Variants in ZNF385B observed in about 807,000 individuals in gnomAD.
ZNF385B encodes the protein zinc finger protein 533.
A neutral mutation model predicts 39.2 loss-of-function variants in ZNF385B; 23 were observed. The ratio of observed to expected loss-of-function variants is 0.59; its 90% confidence interval spans 0.42 to 0.83. ZNF385B has a LOEUF of 0.83. ZNF385B is among the 40% of genes least tolerant of loss of function. The pLI, the probability that ZNF385B is intolerant of heterozygous loss-of-function variation, is 0.00. For missense variants in ZNF385B, 552 were observed against 598.9 expected, an observed-to-expected ratio of 0.92 and a Z score of 0.82; for synonymous variants, 205 against 222.6, an observed-to-expected ratio of 0.92 and a Z score of 0.70.
intron 3 of ZNF385B, among the ~76,000 whole-genome samples, chr2:179,570,208 C>T (rs963006936): frequency 2.0e-5 from 3 of 152,170 alleles, no homozygotes; most frequent in Admixed American, 6.5e-5. Flanking sequence ...CCAACACCAA[C>T]GTACCACTCC....
intron 3 of ZNF385B, among the ~76,000 whole-genome samples, chr2:179,663,819 C>T (rs761134326): frequency 3.3e-5 from 5 of 151,770 alleles, no homozygotes; most frequent in South Asian, 2.1e-4. Context: ...GGCATCCTTC[C>T]GGGGACTTTA....
chr2:179,668,577 T>C (rs1209732530), intron 3 of ZNF385B, among the ~76,000 whole-genome samples: 4 of 151,934 alleles, frequency 2.6e-5, no homozygotes, highest in Non-Finnish European at 5.9e-5. Context: ...AGTGTTTTGC[T>C]CTACAAGTTC....
chr2:179,738,727 G>A (rs1347343655), intron 3 of ZNF385B, among the ~76,000 whole-genome samples: 3 of 152,148 alleles, frequency 2.0e-5, no homozygotes, highest in Non-Finnish European at 4.4e-5. Flanking sequence ...TAGTGTGGGA[G>A]GTGGCTCAGG....
At chr2:179,791,578 T>C (rs1309370550) in intron 1 of ZNF385B, among the ~76,000 whole-genome samples, 6 of 152,208 alleles carry the variant, frequency 3.9e-5, no homozygotes, top group Non-Finnish European at 8.8e-5. Context: ...GGTGAGGCGC[T>C]TGTCTTAAGT....
chr2:179,677,293 T>C (rs1331922830), intron 3 of ZNF385B, among the ~76,000 whole-genome samples: 1 of 152,232 alleles, frequency 6.6e-6, no homozygotes, highest in East Asian at 1.9e-4. Context: ...TCCAAGTTTC[T>C]GTCTATACCG....
In ZNF385B at chr2:179,849,820, A is replaced by G. The variant is rs1443375989; in HGVS notation, c.-155+11281T>C. Reference sequence around the variant, plus strand: ...TAGTGAGAAAAATCAACACAAACATATCATTACAACCTAATATTGCAAGCA... The same window carrying G: ...TAGTGAGAAAAATCAACACAAACATGTCATTACAACCTAATATTGCAAGCA... On this transcript the variant is annotated intron_variant, in intron 1 of 9. Coordinates refer to ENST00000410066, the MANE Select transcript of ZNF385B (RefSeq NM_152520.6). Among the ~76,000 whole-genome samples, 3 of 152,316 alleles carry G rather than the reference A, an allele frequency of 2.0e-5. 1 individual carries two copies. Among genetic ancestry groups the G allele is most frequent in the East Asian group, 1.9e-4 (1 of 5,166 alleles).
chr2:179,628,719 A>G (rs1690901781), intron 3 of ZNF385B, among the ~76,000 whole-genome samples: 1 of 152,210 alleles, frequency 6.6e-6, no homozygotes, highest in Non-Finnish European at 1.5e-5. Context: ...TAGTTGAGAA[A>G]CCGTGACAAA....
intron 3 of ZNF385B, among the ~76,000 whole-genome samples, chr2:179,616,880 G>T (rs185476809): frequency 5.3e-5 from 8 of 152,084 alleles, no homozygotes; most frequent in Admixed American, 5.2e-4. Flanking sequence ...AGTTTTTATT[G>T]TAATTAGACT....
chr2:179,581,878 A>C (rs1249919117), intron 3 of ZNF385B, among the ~76,000 whole-genome samples: 1 of 152,202 alleles, frequency 6.6e-6, no homozygotes, highest in Non-Finnish European at 1.5e-5. Flanking sequence ...CTAAGCAACA[A>C]CATGGAGTAG....
At chr2:179,855,867 T>C (rs1684552457) in intron 1 of ZNF385B, among the ~76,000 whole-genome samples, 2 of 152,204 alleles carry the variant, frequency 1.3e-5, no homozygotes, top group African/African-American at 4.8e-5. Context: ...TCAGCCCATT[T>C]CACAGATGAA....
At chr2:179,791,540 G>T (rs1705323785) in intron 1 of ZNF385B, among the ~76,000 whole-genome samples, 1 of 152,196 alleles carries the variant, frequency 6.6e-6, no homozygotes. Context: ...TCAGCATGAA[G>T]ATAAACCAAG....
chr2:179,642,219 C>T (rs1464168328), intron 3 of ZNF385B, among the ~76,000 whole-genome samples: 1 of 152,156 alleles, frequency 6.6e-6, no homozygotes, highest in African/African-American at 2.4e-5. Flanking sequence ...TTGTCTTCTA[C>T]CTTCAGATAT....
chr2:179,769,151 G>A lies in ZNF385B; in HGVS notation c.298+352C>T, dbSNP rs987487516. The stretch of plus-strand genomic sequence containing the variant: ...ATAGAAAGCAGATAAAGGAAACCCA[G>A]GAAAGCTAATTTTAAGAGAGGGAAA... On this transcript the variant is annotated intron_variant, in intron 3 of 9. Coordinates refer to ENST00000410066, the MANE Select transcript of ZNF385B (RefSeq NM_152520.6). 2.6e-5 allele frequency among the ~76,000 whole-genome samples: 4 copies of A among 152,270 alleles called. No homozygotes were observed. In the South Asian group the frequency reaches 8.3e-4, roughly 32 times the overall value.
At position 179,443,073 on chromosome 2, in the gene ZNF385B, T is replaced by A; in HGVS notation, c.*177A>T. 1 of 728,334 alleles carries A rather than the reference T, an allele frequency of 1.4e-6. No individual in the cohort carries two copies. The highest frequency in any genetic ancestry group is 2.1e-5 in the Admixed American group (1 of 47,606). The allele number at this position is 728,334 out of a possible 1,614,324, so 45.1% of individuals were successfully genotyped here. ...ATTCCTCAATTATAGGAGCAGTCTC[T>A]AAAAGCCCTCGTCAATCTAGTGATG... On this transcript the variant is annotated 3_prime_UTR_variant, in exon 10 of 10. Coordinates refer to ENST00000410066, the MANE Select transcript of ZNF385B (RefSeq NM_152520.6).
intron 6 of ZNF385B, among the ~76,000 whole-genome samples, chr2:179,466,994 G>A (rs2052117234): frequency 6.9e-6 from 1 of 145,418 alleles, no homozygotes; most frequent in African/African-American, 2.5e-5. Context: ...GGAAGGGAGG[G>A]AAGAAATTCC....
At chr2:179,520,786 C>T (rs187068393) in intron 4 of ZNF385B, among the ~76,000 whole-genome samples, 1 of 152,048 alleles carries the variant, frequency 6.6e-6, no homozygotes, top group East Asian at 1.9e-4. Context: ...ATGAATATTC[C>T]CTAAATACCG....
At chr2:179,804,320 G>A (rs973227183) in intron 1 of ZNF385B, among the ~76,000 whole-genome samples, 7 of 152,184 alleles carry the variant, frequency 4.6e-5, no homozygotes, top group Non-Finnish European at 7.3e-5. Flanking sequence ...AAAGACTCAA[G>A]TGCTTCTAAG....
chr2:179,682,158 C>T (rs1222297984), intron 3 of ZNF385B, among the ~76,000 whole-genome samples: 1 of 152,184 alleles, frequency 6.6e-6, no homozygotes, highest in African/African-American at 2.4e-5. Context: ...CTTGCTGACA[C>T]CTTTGTCCTG....
intron 3 of ZNF385B, among the ~76,000 whole-genome samples, chr2:179,683,238 A>G (rs1040532473): frequency 5.3e-5 from 8 of 151,816 alleles, no homozygotes; most frequent in Admixed American, 5.2e-4. Context: ...AAATACAAAA[A>G]AATTAGCTGG....
Sources: gnomAD v4.1 joint callset for allele counts (sites outside exome capture counted in the v4.1 genomes callset) on GRCh38, gnomAD v4.1.1 for gene constraint, MANE v1.5 for transcripts, NCBI Gene and HGNC (gene_info 2026-07-23, HGNC 2026-07-21) for gene names.